Variants in LINGO2 observed in about 807,000 individuals in gnomAD.
The protein encoded by LINGO2 is leucine rich repeat and Ig domain containing 2.
LINGO2 carries 14 observed loss-of-function variants against 30.6 expected under a neutral mutation model. The ratio of observed to expected loss-of-function variants is 0.46; its 90% CI spans 0.30 to 0.72. The LOEUF (loss-of-function observed/expected upper bound fraction) is 0.72, where lower values mean the gene tolerates loss of function less well. Among genes scored for constraint, LINGO2 ranks in the 30% least tolerant of loss-of-function variants. The probability of loss-of-function intolerance (pLI) is 0.07; values close to 1 mark genes in which losing one functional copy is unlikely to be tolerated. For missense variants in LINGO2, 729 were observed against 751.7 expected (o/e 0.97, Z 0.35); for synonymous variants, 317 against 288.5 (o/e 1.10, Z -1.00).
At chr9:28,170,800 A>T (rs2133653773) in intron 4 of LINGO2, among the ~76,000 whole-genome samples, 1 of 152,238 alleles carries the variant, frequency 6.6e-6, no homozygotes, top group South Asian at 2.1e-4. Context: ...TCTGACTTTG[A>T]TTCTTCTGCC....
At position 28,009,203 on chromosome 9, in the gene LINGO2, G is replaced by A. The variant is rs185755714; in HGVS notation, c.-36+3152C>T. On this transcript the variant is annotated intron_variant, in intron 5 of 5. Transcript: ENST00000379992. ...GGATATCCATATGCAAAAGAATAAA[G>A]TTGAACCCCTAACTTCATATGATAC... 2.8e-3 allele frequency among the ~76,000 whole-genome samples: 429 copies of A among 151,020 alleles called. 3 individuals are homozygous for A. The highest frequency in any genetic ancestry group is 0.01 in the African/African-American group (415 of 41,056).
chr9:28,570,450 C>A (rs1055183587), intron 1 of LINGO2, among the ~76,000 whole-genome samples: 5 of 151,774 alleles, frequency 3.3e-5, no homozygotes, highest in Non-Finnish European at 7.4e-5. Flanking sequence ...GGAGAGTTTT[C>A]TTCTCCTTTA....
intron 2 of LINGO2, among the ~76,000 whole-genome samples, chr9:28,422,877 C>T (rs79342315): frequency 0.037 from 5,564 of 151,996 alleles, 343 homozygotes; most frequent in African/African-American, 0.12. Context: ...TGTGCTATAA[C>T]GTGGATAAAC....
the LINGO2 span, among the ~76,000 whole-genome samples, chr9:29,173,922 A>C: frequency 7.2e-4 from 110 of 152,222 alleles, no homozygotes; most frequent in Non-Finnish European, 1.3e-3. Context: ...AAGACTATTC[A>C]TGTTTTGCCA....
At chr9:28,536,903 C>T (rs1465760893) in intron 1 of LINGO2, among the ~76,000 whole-genome samples, 1 of 151,992 alleles carries the variant, frequency 6.6e-6, no homozygotes, top group African/African-American at 2.4e-5. Context: ...GAATTCTTAA[C>T]CCTAAGCACC....
At chr9:28,880,868 G>C in the LINGO2 span, among the ~76,000 whole-genome samples, 2,535 of 152,252 alleles carry the variant, frequency 0.017, 46 homozygotes, top group Admixed American at 0.048. Flanking sequence ...AGATGTTTGG[G>C]TGGAGGGAAA....
the LINGO2 span, among the ~76,000 whole-genome samples, chr9:29,087,306 G>A: frequency 6.6e-6 from 1 of 152,140 alleles, no homozygotes; most frequent in Non-Finnish European, 1.5e-5. Context: ...TATCTTGAAG[G>A]GTTAAAATAT....
the LINGO2 span, among the ~76,000 whole-genome samples, chr9:28,684,819 A>AT: frequency 2.6e-5 from 4 of 151,908 alleles, no homozygotes; most frequent in East Asian, 1.9e-4. Flanking sequence ...GCACCTGGAC[A>AT]TTTTTTTCTT....
the LINGO2 span, among the ~76,000 whole-genome samples, chr9:28,691,284 A>T: frequency 6.6e-6 from 1 of 152,154 alleles, no homozygotes; most frequent in Non-Finnish European, 1.5e-5. Context: ...AACATCCTCA[A>T]ATCACATATA....
chr9:28,874,293 C>T, the LINGO2 span, among the ~76,000 whole-genome samples: 20,747 of 151,654 alleles, frequency 0.14, 2,025 homozygotes, highest in African/African-American at 0.28. Context: ...AGTGGTTCTA[C>T]GTAAGTGATA....
At chr9:28,639,961 G>A (rs1410784898) in intron 1 of LINGO2, among the ~76,000 whole-genome samples, 8 of 151,680 alleles carry the variant, frequency 5.3e-5, no homozygotes, top group South Asian at 2.1e-4. Context: ...GCTGGTACCG[G>A]TTGTTCCTTT....
intron 5 of LINGO2, among the ~76,000 whole-genome samples, chr9:28,004,038 CTT>C (rs1409892102): frequency 2.0e-5 from 3 of 152,124 alleles, no homozygotes; most frequent in Non-Finnish European, 2.9e-5. Flanking sequence ...AGGTGACATG[CTT>C]TCTTTTTAAG....
chr9:28,317,914 T>C (rs948229382), intron 3 of LINGO2, among the ~76,000 whole-genome samples: 1 of 152,148 alleles, frequency 6.6e-6, no homozygotes, highest in Non-Finnish European at 1.5e-5. Flanking sequence ...TTGTTGGGAC[T>C]AAGCATAACA....
At chr9:28,888,464 A>G in the LINGO2 span, among the ~76,000 whole-genome samples, 13 of 152,168 alleles carry the variant, frequency 8.5e-5, no homozygotes, top group African/African-American at 3.1e-4. Flanking sequence ...CAACATTTAT[A>G]TACTTAAACT....
chr9:28,841,257 G>T, the LINGO2 span, among the ~76,000 whole-genome samples: 1 of 151,706 alleles, frequency 6.6e-6, no homozygotes, highest in Non-Finnish European at 1.5e-5. Context: ...GGGATATCCA[G>T]TATCTACTCA....
At chr9:28,362,876 C>G (rs1168803043) in intron 3 of LINGO2, among the ~76,000 whole-genome samples, 1 of 152,134 alleles carries the variant, frequency 6.6e-6, no homozygotes, top group Non-Finnish European at 1.5e-5. Context: ...TAATTTGGTT[C>G]TAATTCTCCC....
intron 2 of LINGO2, among the ~76,000 whole-genome samples, chr9:28,423,655 G>A (rs1356117317): frequency 2.6e-5 from 4 of 152,032 alleles, no homozygotes; most frequent in Admixed American, 2.6e-4. Flanking sequence ...CTCTACATAT[G>A]TATAAAATAT....
At chr9:28,189,032 G>A (rs543848931) in intron 4 of LINGO2, among the ~76,000 whole-genome samples, 1 of 134,318 alleles carries the variant, frequency 7.4e-6, no homozygotes, top group Non-Finnish European at 1.6e-5. Context: ...GATAATCTGG[G>A]CAGCTGTTGG....
chr9:28,898,065 C>T, the LINGO2 span, among the ~76,000 whole-genome samples: 4 of 151,920 alleles, frequency 2.6e-5, no homozygotes, highest in Non-Finnish European at 5.9e-5. Context: ...AAGTAGTGAC[C>T]TCTACCCTTC....
Sources: gnomAD v4.1 joint callset for allele counts (sites outside exome capture counted in the v4.1 genomes callset) on GRCh38, gnomAD v4.1.1 for gene constraint, MANE v1.5 for transcripts, NCBI Gene and HGNC (gene_info 2026-07-23, HGNC 2026-07-21) for gene names.